Variants in ZBTB5 observed in about 807,000 individuals in gnomAD.
The protein encoded by ZBTB5 is zinc finger and BTB domain containing 5.
A neutral mutation model predicts 37.9 loss-of-function variants in ZBTB5; 15 were observed. The ratio of observed to expected loss-of-function variants is 0.40; its 90% CI spans 0.26 to 0.61. The LOEUF is 0.61. Among genes scored for constraint, ZBTB5 ranks in the 20% least tolerant of loss-of-function variants. ZBTB5 has a pLI of 0.47. For synonymous variants in ZBTB5, 315 were observed against 312.4 expected, an observed-to-expected ratio of 1.01 and a Z score of -0.09; for missense variants, 708 against 856.8, an observed-to-expected ratio of 0.83 and a Z score of 2.17.
chr9:37,462,780 T>G (rs2118964571), intron 1 of ZBTB5, among the ~76,000 whole-genome samples: 1 of 152,198 alleles, frequency 6.6e-6, no homozygotes, highest in South Asian at 2.1e-4. Flanking sequence ...GCCAGATTGG[T>G]CTTGAACTCC....
intron 1 of ZBTB5, among the ~76,000 whole-genome samples, chr9:37,447,250 A>T (rs181534408): frequency 6.6e-6 from 1 of 152,276 alleles, no homozygotes; most frequent in Non-Finnish European, 1.5e-5. Context: ...GTCACTTATA[A>T]AACCACCAGA....
intron 1 of ZBTB5, among the ~76,000 whole-genome samples, chr9:37,464,708 C>T (rs1190571889): frequency 1.3e-5 from 2 of 152,244 alleles, no homozygotes; most frequent in South Asian, 2.1e-4. Context: ...CACTTCAGTC[C>T]TCTCATAACA....
chr9:37,452,984 C>A lies in ZBTB5; in HGVS notation c.-4-10429G>T, dbSNP rs1349055316. 3.3e-5 allele frequency among the ~76,000 whole-genome samples: 5 copies of A among 152,188 alleles called. 1 individual carries two copies. Among genetic ancestry groups the A allele is most frequent in the Non-Finnish European group, 7.3e-5 (5 of 68,030 alleles). ...GGTCAGAGCTACACAGTATCTGCTA[C>A]ACACCTGGTGATACTAAAAAATAAA... On this transcript the variant is annotated intron_variant, in intron 1 of 1. Coordinates refer to ENST00000307750, the MANE Select transcript of ZBTB5 (RefSeq NM_014872.3).
intron 1 of ZBTB5, among the ~76,000 whole-genome samples, chr9:37,459,718 T>C (rs1033334269): frequency 6.7e-6 from 1 of 150,206 alleles, no homozygotes; most frequent in African/African-American, 2.4e-5. Context: ...GCTAATTTTT[T>C]TTTTTTTTTT....
intron 1 of ZBTB5, among the ~76,000 whole-genome samples, chr9:37,449,039 T>C (rs1824048219): frequency 6.6e-6 from 1 of 151,904 alleles, no homozygotes; most frequent in Admixed American, 6.6e-5. Flanking sequence ...CGAGACTCCG[T>C]TTCAAAATAA....
At chr9:37,442,895 A>C (rs1046605013) in intron 1 of ZBTB5, among the ~76,000 whole-genome samples, 1 of 152,236 alleles carries the variant, frequency 6.6e-6, no homozygotes, top group African/African-American at 2.4e-5. Flanking sequence ...AGAATTCTGC[A>C]TTCCCTAAGG....
chr9:37,454,667 C>T (rs147441915), intron 1 of ZBTB5, among the ~76,000 whole-genome samples: 82 of 152,296 alleles, frequency 5.4e-4, no homozygotes, highest in Middle Eastern at 3.4e-3. Context: ...TAATAAAGTT[C>T]CTTTCTGTCT....
chr9:37,445,921 C>CA (rs1348790724), intron 1 of ZBTB5, among the ~76,000 whole-genome samples: 1 of 151,948 alleles, frequency 6.6e-6, no homozygotes, highest in Non-Finnish European at 1.5e-5. Context: ...GGCAACATGG[C>CA]AAAACCCCAT....
Position 37,440,956 on chromosome 9 carries a change from A to G in ZBTB5, c.1596T>C (p.Phe532=), listed in dbSNP as rs532248765. 25 of 1,614,198 alleles carry G rather than the reference A, an allele frequency of 1.5e-5. No homozygotes were observed. In the South Asian group the frequency reaches 2.7e-4, roughly 18 times the overall value. Residue 532 remains phenylalanine (F), a synonymous_variant, in exon 2 of 2, where the codon TTT becomes TTC. Transcript: ENST00000307750. The part of the protein sequence containing the change: ...IGSPRGGASN[F]PYYRRIAPKM... ...TGGGAGCTATGCGGCGGTAGTAAGG[A>G]AAGTTACTGGCTCCTCCCCTTGGGG... is the stretch of plus-strand genomic sequence containing the variant.
rs1823864889 is a variant in ZBTB5 at position 37,441,161 on chromosome 9, G to A, written c.1391C>T (p.Ser464Phe). 2 of 1,613,826 alleles carry A rather than the reference G, an allele frequency of 1.2e-6. No individual in the cohort carries two copies. Among genetic ancestry groups the A allele is most frequent in the Middle Eastern group, 1.6e-4 (1 of 6,084 alleles). The change falls in exon 2 of 2, where the codon TCC becomes TTC. Residue 464 changes from serine (S) to phenylalanine (F), a missense_variant. By Grantham distance (155) the Ser-to-Phe change is radical (BLOSUM62 -2). This residue lies in a region of ZBTB5 where 639 missense variants were observed against 690.5 expected (regional missense o/e 0.93). Coordinates refer to ENST00000307750, the MANE Select transcript of ZBTB5 (RefSeq NM_014872.3). ...TTCACTAAATGGGTTCTCTACATGG[G>A]AGCCAGGGGCAGAGGAGGGCCCACC... ...PAGGPSSAPG[S>F]HVENPFSEPA...
chr9:37,447,575 TGCCA>T (rs1824012273), intron 1 of ZBTB5, among the ~76,000 whole-genome samples: 2 of 152,304 alleles, frequency 1.3e-5, no homozygotes, highest in Admixed American at 1.3e-4. Context: ...GCAATCCTCC[TGCCA>T]GCCTGGGATT....
At chr9:37,457,420 G>A (rs569036208) in intron 1 of ZBTB5, among the ~76,000 whole-genome samples, 4 of 152,194 alleles carry the variant, frequency 2.6e-5, no homozygotes, top group East Asian at 1.9e-4. Flanking sequence ...TTGTAGAGAC[G>A]GGTCTCACTA....
chr9:37,441,707 T>C lies in ZBTB5; in HGVS notation c.845A>G (p.Asn282Ser), dbSNP rs1314328374. 2 of 1,614,074 alleles carry C rather than the reference T, an allele frequency of 1.2e-6. No homozygotes were observed. The highest frequency in any genetic ancestry group is 2.7e-5 in the African/African-American group (2 of 74,996). ...VPSQSDNSAG[N>S]MAQLSMASRA... ...AGAGGCCATGGACAACTGTGCCATGTTGCCAGCACTGTTATCAGACTGGCT... is the reference window on the plus strand; with the variant it reads ...AGAGGCCATGGACAACTGTGCCATGCTGCCAGCACTGTTATCAGACTGGCT... Residue 282 changes from asparagine (N) to serine (S), a missense_variant, in exon 2 of 2, where the codon AAC becomes AGC. Physicochemically the swap from Asn to Ser is conservative, Grantham distance 46 (BLOSUM62 1). This residue lies in a region of ZBTB5 where 639 missense variants were observed against 690.5 expected (regional missense o/e 0.93). Coordinates refer to ENST00000307750, the MANE Select transcript of ZBTB5 (RefSeq NM_014872.3).
chr9:37,453,226 G>A (rs753587009), intron 1 of ZBTB5, among the ~76,000 whole-genome samples: 5 of 152,092 alleles, frequency 3.3e-5, no homozygotes, highest in Non-Finnish European at 7.4e-5. Flanking sequence ...GTCTTGCTCT[G>A]TCATCCAGGC....
chr9:37,443,066 G>A lies in ZBTB5; in HGVS notation c.-4-511C>T, dbSNP rs1487893764. Among the ~76,000 whole-genome samples, 5 of 152,180 alleles carry A rather than the reference G, an allele frequency of 3.3e-5. No individual in the cohort carries two copies. The East Asian group carries it at 5.8e-4, about 18-fold the overall frequency. ...TCCTGAAACCCCACTAAAATGACAC[G>A]AAGCCCGGCATGGAGGCTCATGCCT... On this transcript the variant is annotated intron_variant, in intron 1 of 1. Transcript: ENST00000307750.
intron 1 of ZBTB5, among the ~76,000 whole-genome samples, chr9:37,447,822 T>A (rs1457639837): frequency 6.6e-6 from 1 of 151,378 alleles, no homozygotes; most frequent in East Asian, 1.9e-4. Flanking sequence ...TTTTTTTTTT[T>A]AGATAAGCAA....
At chr9:37,462,014 T>TG (rs1008486849) in intron 1 of ZBTB5, among the ~76,000 whole-genome samples, 2 of 152,170 alleles carry the variant, frequency 1.3e-5, no homozygotes, top group African/African-American at 4.8e-5. Flanking sequence ...AGTCTCTTTA[T>TG]GGGGGATAGG....
chr9:37,451,407 A>T (rs1289738721), intron 1 of ZBTB5, among the ~76,000 whole-genome samples: 1 of 151,988 alleles, frequency 6.6e-6, no homozygotes, highest in Non-Finnish European at 1.5e-5. Flanking sequence ...TCTCTACAAA[A>T]ATTAGCTGGG....
chr9:37,456,235 G>GCCAC (rs1824186200), intron 1 of ZBTB5, among the ~76,000 whole-genome samples: 1 of 152,160 alleles, frequency 6.6e-6, no homozygotes, highest in African/African-American at 2.4e-5. Context: ...ACAGCCGTGA[G>GCCAC]CCACCCACCC....
Sources: allele counts gnomAD v4.1 joint callset (sites outside exome capture counted in the v4.1 genomes callset), GRCh38; gene constraint gnomAD v4.1.1; regional missense constraint gnomAD v4.1.1; transcripts MANE v1.5; gene names NCBI Gene and HGNC (gene_info 2026-07-23, HGNC 2026-07-21).